The following EDAR variants were observed in gnomAD, a reference collection of about 807,000 sequenced individuals.
EDAR encodes the protein ectodysplasin A receptor, also known as tumor necrosis factor receptor superfamily member EDAR.
A neutral mutation model predicts 51.3 loss-of-function variants in EDAR; 38 were observed. The observed-to-expected ratio is 0.74, with a 90% CI of 0.57 to 0.97. The LOEUF (loss-of-function observed/expected upper bound fraction) is 0.97. Among genes scored for constraint, EDAR ranks in the 50% least tolerant of loss-of-function variants. The probability of loss-of-function intolerance (pLI) is 0.00; values close to 1 mark genes in which losing one functional copy is unlikely to be tolerated. For synonymous variants in EDAR, 227 were observed against 242.1 expected, an observed-to-expected ratio of 0.94 and a Z score of 0.58; for missense variants, 528 against 595.0, an observed-to-expected ratio of 0.89 and a Z score of 1.17.
chr2:108,912,593 C>G lies in EDAR; in HGVS notation c.529+85G>C. The stretch of plus-strand genomic sequence containing the variant: ...GTGGGGAAGCGCACCATAATCATCA[C>G]TCATGATCATTTCCTCTCCTCTTCT... On this transcript the variant is annotated intron_variant, in intron 6 of 11. Transcript: ENST00000258443. 4 of 1,298,296 alleles carry G rather than the reference C, an allele frequency of 3.1e-6. No homozygotes were observed. The South Asian group carries it at 5.0e-5, about 16-fold the overall frequency. The allele number at this position is 1,298,296 out of a possible 1,614,324, so 80.4% of individuals were successfully genotyped here.
At chr2:108,918,420 G>A (rs866715950) in intron 5 of EDAR, among the ~76,000 whole-genome samples, 4 of 152,320 alleles carry the variant, frequency 2.6e-5, no homozygotes, top group Middle Eastern at 3.4e-3. Flanking sequence ...TGCTCCAGGT[G>A]GGTTTCTGTT....
intron 1 of EDAR, among the ~76,000 whole-genome samples, chr2:108,967,699 C>A (rs1054071570): frequency 2.0e-5 from 3 of 152,098 alleles, no homozygotes; most frequent in Admixed American, 6.5e-5. Flanking sequence ...AAACCAATTT[C>A]TTTTCCCCTT....
At position 108,906,505 on chromosome 2, in the gene EDAR, C is replaced by G. The variant is rs1033517248; in HGVS notation, c.964-137G>C. ...CTGCACACAGCCCCCGTGTCAGCAG[C>G]CCAGCCCTGACACACAGGGAGGAGG... is the stretch of plus-strand genomic sequence containing the variant. On this transcript the variant is annotated intron_variant, in intron 10 of 11. Coordinates refer to ENST00000258443, the MANE Select transcript of EDAR (RefSeq NM_022336.4). 4.4e-6 allele frequency: 4 copies of G among 901,218 alleles called. No individual in the cohort carries two copies. In the African/African-American group the frequency reaches 6.6e-5, roughly 15 times the overall value. 55.8% of individuals were successfully genotyped at this position (901,218 alleles called of 1,614,324 possible).
At chr2:108,937,023 G>GT (rs1346164656) in intron 1 of EDAR, among the ~76,000 whole-genome samples, 1 of 152,226 alleles carries the variant, frequency 6.6e-6, no homozygotes, top group Admixed American at 6.5e-5. Context: ...CCACAGTGCT[G>GT]TGCCGGGGAA....
intron 1 of EDAR, among the ~76,000 whole-genome samples, chr2:108,971,074 G>A (rs1007893963): frequency 7.2e-5 from 11 of 152,092 alleles, no homozygotes; most frequent in Non-Finnish European, 2.9e-5. Context: ...CGGCGAGACC[G>A]TGCTCACTGG....
chr2:108,966,525 G>C (rs1698153937), intron 1 of EDAR, among the ~76,000 whole-genome samples: 1 of 152,202 alleles, frequency 6.6e-6, no homozygotes, highest in East Asian at 1.9e-4. Context: ...CATACCCTGT[G>C]CTCTTTCAAC....
chr2:108,952,852 C>T (rs1697850972), intron 1 of EDAR, among the ~76,000 whole-genome samples: 1 of 152,182 alleles, frequency 6.6e-6, no homozygotes, highest in Non-Finnish European at 1.5e-5. Flanking sequence ...GGGCAAGTGT[C>T]AAATTACTGG....
chr2:108,938,246 C>T (rs578121424), intron 1 of EDAR, among the ~76,000 whole-genome samples: 2 of 152,272 alleles, frequency 1.3e-5, no homozygotes, highest in African/African-American at 4.8e-5. Context: ...AAACCAGTGA[C>T]GATGATAATT....
chr2:108,933,106 G>A (rs1697402773), intron 1 of EDAR, among the ~76,000 whole-genome samples: 1 of 152,206 alleles, frequency 6.6e-6, no homozygotes, highest in African/African-American at 2.4e-5. Context: ...ACCAAGCAGG[G>A]CTGTAACACC....
intron 4 of EDAR, among the ~76,000 whole-genome samples, chr2:108,924,297 C>T (rs1301868648): frequency 5.3e-5 from 8 of 152,332 alleles, no homozygotes; most frequent in South Asian, 2.1e-4. Flanking sequence ...GCAGCCGTCC[C>T]GCTCCCAGGC....
At chr2:108,974,351 A>AAAAG (rs1558841993) in intron 1 of EDAR, among the ~76,000 whole-genome samples, 25 of 150,988 alleles carry the variant, frequency 1.7e-4, no homozygotes, top group African/African-American at 5.9e-4. Context: ...AAAAAAAAAA[A>AAAAG]AAAGAAATGC....
chr2:108,950,208 C>T (rs1438122633), intron 1 of EDAR, among the ~76,000 whole-genome samples: 1 of 146,896 alleles, frequency 6.8e-6, no homozygotes, highest in Non-Finnish European at 1.5e-5. Flanking sequence ...TCCCTACCTC[C>T]CTCCCTCCCT....
At chr2:108,902,554 G>T (rs1316406770) in intron 11 of EDAR, among the ~76,000 whole-genome samples, 3 of 152,076 alleles carry the variant, frequency 2.0e-5, no homozygotes, top group Non-Finnish European at 4.4e-5. Flanking sequence ...GTATAAACTG[G>T]ATACCAAAAC....
At chr2:108,924,449 G>A (rs1475021830) in intron 4 of EDAR, among the ~76,000 whole-genome samples, 2 of 152,190 alleles carry the variant, frequency 1.3e-5, no homozygotes, top group African/African-American at 2.4e-5. Flanking sequence ...TTGTCACACT[G>A]TGAGTAGTCG....
At chr2:108,975,601 C>A (rs1417843557) in intron 1 of EDAR, among the ~76,000 whole-genome samples, 1 of 152,172 alleles carries the variant, frequency 6.6e-6, no homozygotes, top group Non-Finnish European at 1.5e-5. Context: ...AGGGCAGCAG[C>A]TTTGGGGAGG....
At chr2:108,979,559 G>T (rs1698387738) in intron 1 of EDAR, among the ~76,000 whole-genome samples, 1 of 152,048 alleles carries the variant, frequency 6.6e-6, no homozygotes, top group Admixed American at 6.6e-5. Flanking sequence ...GTAAGCTAGG[G>T]GCATGTCAGG....
chr2:108,905,203 A>C (rs1025438516), intron 11 of EDAR, among the ~76,000 whole-genome samples: 23 of 152,132 alleles, frequency 1.5e-4, no homozygotes, highest in African/African-American at 5.3e-4. Context: ...GGCATGGAGC[A>C]CAGGTTCTCA....
chr2:108,973,280 A>C (rs1698266544), intron 1 of EDAR, among the ~76,000 whole-genome samples: 1 of 151,736 alleles, frequency 6.6e-6, no homozygotes, highest in Admixed American at 6.6e-5. Context: ...GAGCCACCGC[A>C]CCTGGCCTCA....
intron 5 of EDAR, among the ~76,000 whole-genome samples, chr2:108,914,994 C>T (rs1013758562): frequency 2.6e-5 from 4 of 152,252 alleles, no homozygotes; most frequent in Non-Finnish European, 4.4e-5. Context: ...CTCACTGCAA[C>T]CTCTGCCTCC....
Sources: allele counts gnomAD v4.1 joint callset (sites outside exome capture counted in the v4.1 genomes callset), GRCh38; gene constraint gnomAD v4.1.1; transcripts MANE v1.5; gene names NCBI Gene and HGNC (gene_info 2026-07-23, HGNC 2026-07-21).